The following PTBP3 variants were observed in gnomAD, a reference collection of about 807,000 sequenced individuals.
PTBP3 encodes the protein polypyrimidine tract binding protein 3, also known as polypyrimidine tract-binding protein 3.
PTBP3 carries 20 observed loss-of-function variants against 58.7 expected under a neutral mutation model. The observed-to-expected ratio is 0.34, with a 90% CI of 0.24 to 0.50. The LOEUF is 0.50. Among genes scored for constraint, PTBP3 ranks in the 20% least tolerant of loss-of-function variants. The pLI is 0.98. For missense variants in PTBP3, 509 were observed against 637.2 expected (o/e 0.80, Z 2.17); for synonymous variants, 185 against 219.8 (o/e 0.84, Z 1.40).
chr9:112,228,311 T>G, intron 11 of PTBP3, 69 bp downstream of exon 11: 3 of 1,137,442 alleles, frequency 2.6e-6, no homozygotes, highest in Non-Finnish European at 3.7e-6. Flanking sequence ...CTAGCTGTAT[T>G]TTGAAGGAAA....
At chr9:112,329,767 C>G (rs1006370021) in intron 1 of PTBP3, among the ~76,000 whole-genome samples, 1 of 151,516 alleles carries the variant, frequency 6.6e-6, no homozygotes, top group Admixed American at 6.6e-5. Flanking sequence ...GTGTCAGCTG[C>G]TTATTCTCAT....
At chr9:112,296,783 G>A (rs1286583681) in intron 2 of PTBP3, among the ~76,000 whole-genome samples, 1 of 152,088 alleles carries the variant, frequency 6.6e-6, no homozygotes, top group African/African-American at 2.4e-5. Context: ...GAATAGAAAT[G>A]AATGGCACAA....
At chr9:112,274,843 C>T (rs753199255) in intron 3 of PTBP3, among the ~76,000 whole-genome samples, 1 of 152,208 alleles carries the variant, frequency 6.6e-6, no homozygotes, top group Non-Finnish European at 1.5e-5. Flanking sequence ...AGGAGATTCA[C>T]AGCAACCAAT....
At chr9:112,355,621 CTT>C in the PTBP3 span, among the ~76,000 whole-genome samples, 7 of 127,804 alleles carry the variant, frequency 5.5e-5, no homozygotes, top group African/African-American at 8.9e-5. Flanking sequence ...AACTCTTTTT[CTT>C]TTTTTTTTTT....
chr9:112,228,464 CAT>C lies in PTBP3; in HGVS notation c.1061_1062del (p.Tyr354TrpfsTer2). On this transcript the variant is annotated frameshift_variant, in exon 11 of 14. Transcript: ENST00000374257. LOFTEE classifies it high-confidence loss of function. ...PHGLFILFGVYGDVHRVKIMF... is the reference protein window; with the variant it reads ...PHGLFILFGVXGDVHRVKIMF... ...ATAATCTTCACTCGATGTACATCAC[CAT>C]AGACTCCTAATTAAAACAAAACAAA... 1 of 1,590,260 alleles carries C rather than the reference CAT, an allele frequency of 6.3e-7. No homozygotes were observed. The highest frequency in any genetic ancestry group is 8.5e-7 in the Non-Finnish European group (1 of 1,170,912).
At chr9:112,244,053 A>G (rs1331982081) in intron 7 of PTBP3, among the ~76,000 whole-genome samples, 1 of 151,764 alleles carries the variant, frequency 6.6e-6, no homozygotes, top group Admixed American at 6.6e-5. Context: ...TGTAATCCCA[A>G]CACTTTGGGA....
intron 1 of PTBP3, among the ~76,000 whole-genome samples, chr9:112,306,040 C>T (rs918500327): frequency 1.4e-4 from 21 of 152,336 alleles, no homozygotes; most frequent in African/African-American, 4.8e-4. Context: ...CGGGAATCCC[C>T]TACACTTGCA....
At chr9:112,329,635 A>G (rs1830288327) in intron 1 of PTBP3, among the ~76,000 whole-genome samples, 2 of 152,152 alleles carry the variant, frequency 1.3e-5, no homozygotes, top group South Asian at 4.1e-4. Context: ...TTGGACACAA[A>G]CTTTCTAAAG....
At chr9:112,253,982 T>C (rs1836243058) in intron 5 of PTBP3, among the ~76,000 whole-genome samples, 1 of 152,208 alleles carries the variant, frequency 6.6e-6, no homozygotes, top group Non-Finnish European at 1.5e-5. Flanking sequence ...GAATTTGTTC[T>C]GCTTTTGAGA....
chr9:112,308,680 G>A (rs191300287), intron 1 of PTBP3, among the ~76,000 whole-genome samples: 13 of 152,272 alleles, frequency 8.5e-5, no homozygotes, highest in Non-Finnish European at 1.3e-4. Context: ...ACAAATTAAT[G>A]TATACAAAAG....
intron 7 of PTBP3, among the ~76,000 whole-genome samples, chr9:112,240,083 G>A (rs1835595582): frequency 6.6e-6 from 1 of 151,948 alleles, no homozygotes; most frequent in Admixed American, 6.6e-5. Flanking sequence ...GGGGTAGAAG[G>A]ATGAAGTAGG....
In PTBP3 at chr9:112,222,774, T is replaced by C. The variant is rs1834848776; in HGVS notation, c.*1077A>G. The C allele has an allele frequency of 5.3e-6, 5 of 947,734 alleles. No individual in the cohort carries two copies. The highest frequency in any genetic ancestry group is 1.8e-5 in the African/African-American group (1 of 56,320). 58.7% of individuals were successfully genotyped at this position (947,734 alleles called of 1,614,324 possible). ...GATATTTAGATTAAACTCTAACCTA[T>C]TGTATCTTAAGCACATAATAAGGCA... On this transcript the variant is annotated 3_prime_UTR_variant, in exon 14 of 14. Coordinates refer to ENST00000374257, the MANE Select transcript of PTBP3 (RefSeq NM_001163788.4).
chr9:112,256,979 AT>A (rs1836395121), intron 5 of PTBP3, among the ~76,000 whole-genome samples: 1 of 152,168 alleles, frequency 6.6e-6, no homozygotes, highest in Non-Finnish European at 1.5e-5. Context: ...AAAACACATA[AT>A]TTGCTCTAAC....
chr9:112,357,550 T>C, the PTBP3 span, among the ~76,000 whole-genome samples: 1 of 152,140 alleles, frequency 6.6e-6, no homozygotes, highest in African/African-American at 2.4e-5. Flanking sequence ...GGTTTTATCA[T>C]GTTGCCCAGG....
At chr9:112,376,198 CGTGTGTGTGT>C in the PTBP3 span, among the ~76,000 whole-genome samples, 4 of 4,088 alleles carry the variant, frequency 9.8e-4, no homozygotes, top group Non-Finnish European at 4.0e-3. Flanking sequence ...TCCTTATATA[CGTGTGTGTGT>C]GTGTGTGTGT....
chr9:112,252,853 A>T (rs907298168), intron 5 of PTBP3, 65 bp from the exon 6 acceptor site: 3 of 929,460 alleles, frequency 3.2e-6, no homozygotes, highest in Non-Finnish European at 4.9e-6. Flanking sequence ...ATCTTTATAA[A>T]TACAACTTGT....
chr9:112,238,717 T>G (rs1455868310), intron 7 of PTBP3, among the ~76,000 whole-genome samples: 2 of 149,068 alleles, frequency 1.3e-5, no homozygotes, highest in African/African-American at 2.5e-5. Context: ...ACTGACTTTC[T>G]AAGAGCAACA....
chr9:112,293,315 T>C (rs1377099094), intron 2 of PTBP3, among the ~76,000 whole-genome samples: 1 of 152,212 alleles, frequency 6.6e-6, no homozygotes, highest in East Asian at 1.9e-4. Flanking sequence ...TTATATGGTA[T>C]ATGTATGTCA....
intron 2 of PTBP3, among the ~76,000 whole-genome samples, chr9:112,282,207 A>T (rs1827900561): frequency 6.6e-6 from 1 of 152,212 alleles, no homozygotes; most frequent in East Asian, 1.9e-4. Context: ...CATTAAGTCA[A>T]TAATAATACC....
Sources: allele counts gnomAD v4.1 joint callset (sites outside exome capture counted in the v4.1 genomes callset), GRCh38; gene constraint gnomAD v4.1.1; transcripts MANE v1.5; gene names NCBI Gene and HGNC (gene_info 2026-07-23, HGNC 2026-07-21).